Variants in DSCAM observed in about 807,000 individuals in gnomAD.
The protein encoded by DSCAM is cell adhesion molecule DSCAM.
DSCAM carries 47 observed loss-of-function variants against 217.7 expected under a neutral mutation model. That is an observed-to-expected ratio of 0.22 (90% CI 0.17 to 0.28). The LOEUF is 0.28. Among genes scored for constraint, DSCAM ranks in the 10% least tolerant of loss-of-function variants. The pLI, the probability that DSCAM is intolerant of heterozygous loss-of-function variation, is 1.00. For synonymous variants in DSCAM, 1,056 were observed against 1,015.3 expected (o/e 1.04, Z -0.76); for missense variants, 2,080 against 2,618.3 (o/e 0.79, Z 4.49).
chr21:40,072,044 G>A (rs2089298761), intron 27 of DSCAM, among the ~76,000 whole-genome samples: 1 of 152,180 alleles, frequency 6.6e-6, no homozygotes, highest in African/African-American at 2.4e-5. Context: ...CACAGTTACG[G>A]AGATGAGTCT....
At chr21:40,595,789 G>A (rs2077017192) in intron 3 of DSCAM, among the ~76,000 whole-genome samples, 1 of 152,226 alleles carries the variant, frequency 6.6e-6, no homozygotes, top group Non-Finnish European at 1.5e-5. Flanking sequence ...AAATAGCAAA[G>A]AAGCAAGCAA....
chr21:40,362,494 G>A (rs1037476698), intron 4 of DSCAM, among the ~76,000 whole-genome samples: 11 of 152,128 alleles, frequency 7.2e-5, no homozygotes, highest in South Asian at 2.1e-4. Context: ...TGGTTTTCCC[G>A]TTCTTAGTGA....
chr21:40,579,153 A>T (rs948162817), intron 3 of DSCAM, among the ~76,000 whole-genome samples: 2 of 152,156 alleles, frequency 1.3e-5, no homozygotes, highest in African/African-American at 4.8e-5. Flanking sequence ...CACCACAGAA[A>T]GCAAGCAAAA....
At chr21:40,316,911 T>G (rs1056583325) in intron 8 of DSCAM, among the ~76,000 whole-genome samples, 1 of 152,212 alleles carries the variant, frequency 6.6e-6, no homozygotes, top group Non-Finnish European at 1.5e-5. Context: ...CTTTGATTTC[T>G]CCTAGAGAAG....
intron 3 of DSCAM, among the ~76,000 whole-genome samples, chr21:40,565,580 C>T (rs1568909187): frequency 6.6e-6 from 1 of 152,170 alleles, no homozygotes; most frequent in Non-Finnish European, 1.5e-5. Context: ...GCTGTCCCTA[C>T]CTTCTAAATA....
At chr21:40,639,740 C>A (rs1169870087) in intron 3 of DSCAM, among the ~76,000 whole-genome samples, 1 of 151,826 alleles carries the variant, frequency 6.6e-6, no homozygotes, top group African/African-American at 2.4e-5. Context: ...GTTCCAAATT[C>A]TAAACCCTTA....
intron 6 of DSCAM, among the ~76,000 whole-genome samples, chr21:40,341,326 C>T (rs1274572107): frequency 3.3e-5 from 5 of 152,124 alleles, no homozygotes; most frequent in African/African-American, 9.7e-5. Context: ...TTCACGTGTC[C>T]TTTATAATTC....
At chr21:40,588,984 G>GT (rs1255511790) in intron 3 of DSCAM, among the ~76,000 whole-genome samples, 1 of 152,182 alleles carries the variant, frequency 6.6e-6, no homozygotes, top group Non-Finnish European at 1.5e-5. Context: ...AACTCAAACT[G>GT]TATGTGTATG....
chr21:40,368,524 C>A (rs1384010131), intron 4 of DSCAM, among the ~76,000 whole-genome samples: 1 of 152,212 alleles, frequency 6.6e-6, no homozygotes, highest in African/African-American at 2.4e-5. Context: ...AAAATCCCAA[C>A]AGTACATTAT....
intron 4 of DSCAM, among the ~76,000 whole-genome samples, chr21:40,363,018 C>G (rs1601587421): frequency 6.6e-6 from 1 of 152,086 alleles, no homozygotes; most frequent in East Asian, 1.9e-4. Context: ...TTTGACAAGA[C>G]CCCATTCATG....
intron 11 of DSCAM, among the ~76,000 whole-genome samples, chr21:40,197,018 C>T (rs2091017622): frequency 6.6e-6 from 1 of 152,194 alleles, no homozygotes; most frequent in South Asian, 2.1e-4. Flanking sequence ...ACACCAAACA[C>T]CGCCTTTAAA....
At chr21:40,581,656 C>T (rs969640483) in intron 3 of DSCAM, among the ~76,000 whole-genome samples, 91 of 152,286 alleles carry the variant, frequency 6.0e-4, no homozygotes, top group African/African-American at 2.0e-3. Context: ...CGACTTTCTG[C>T]TTTTGCCAGC....
intron 11 of DSCAM, among the ~76,000 whole-genome samples, chr21:40,269,543 G>A (rs1194143411): frequency 1.3e-5 from 2 of 152,198 alleles, no homozygotes; most frequent in Non-Finnish European, 2.9e-5. Flanking sequence ...CGGGGCTGCT[G>A]TAACAAAGTT....
chr21:40,280,596 A>T (rs1233682960), intron 10 of DSCAM, among the ~76,000 whole-genome samples: 2 of 152,190 alleles, frequency 1.3e-5, no homozygotes, highest in African/African-American at 2.4e-5. Context: ...AAAGCATGAG[A>T]ATTTTGGATT....
intron 3 of DSCAM, among the ~76,000 whole-genome samples, chr21:40,389,752 G>A (rs1008861226): frequency 3.3e-5 from 5 of 152,134 alleles, no homozygotes; most frequent in African/African-American, 1.2e-4. Context: ...CATGTACACT[G>A]GCCGACTTGT....
At chr21:40,341,991 C>G (rs2074497207) in intron 6 of DSCAM, among the ~76,000 whole-genome samples, 1 of 152,210 alleles carries the variant, frequency 6.6e-6, no homozygotes, top group African/African-American at 2.4e-5. Context: ...TTGGGTTTGT[C>G]TCATATTTCC....
intron 3 of DSCAM, among the ~76,000 whole-genome samples, chr21:40,445,585 T>C (rs978345067): frequency 6.6e-6 from 1 of 152,110 alleles, no homozygotes; most frequent in African/African-American, 2.4e-5. Context: ...TTCAGGTAAA[T>C]AAGGGAGAAC....
chr21:40,626,696 C>T (rs1023688367), intron 3 of DSCAM, among the ~76,000 whole-genome samples: 2 of 152,160 alleles, frequency 1.3e-5, no homozygotes, highest in East Asian at 3.9e-4. Flanking sequence ...GAGAGACCTT[C>T]CTGCTTCCCT....
intron 4 of DSCAM, among the ~76,000 whole-genome samples, chr21:40,356,578 T>A (rs567219838): frequency 6.6e-6 from 1 of 152,264 alleles, no homozygotes; most frequent in African/African-American, 2.4e-5. Context: ...GGGGTGTTTT[T>A]ATGCATTTTT....
Sources: gnomAD v4.1 joint callset for allele counts (sites outside exome capture counted in the v4.1 genomes callset) on GRCh38, gnomAD v4.1.1 for gene constraint, MANE v1.5 for transcripts, NCBI Gene and HGNC (gene_info 2026-07-23, HGNC 2026-07-21) for gene names.